Variants in PTPRO observed in about 807,000 individuals in gnomAD.
PTPRO encodes the protein receptor-type tyrosine-protein phosphatase O.
Under a neutral mutation model 145.2 loss-of-function variants are expected in PTPRO, and 62 were observed. The observed-to-expected ratio is 0.43, with a 90% CI of 0.35 to 0.53. The LOEUF (loss-of-function observed/expected upper bound fraction) is 0.53, where lower values mean the gene tolerates loss of function less well. PTPRO is among the 20% of genes least tolerant of loss of function. The pLI, the probability that PTPRO is intolerant of heterozygous loss-of-function variation, is 0.01. For synonymous variants in PTPRO, 565 were observed against 514.7 expected, an observed-to-expected ratio of 1.10 and a Z score of -1.32; for missense variants, 1,345 against 1,482.7, an observed-to-expected ratio of 0.91 and a Z score of 1.53.
chr12:15,549,339 T>C, intron 14 of PTPRO, 113 bp downstream of exon 14: 1 of 859,616 alleles, frequency 1.2e-6, no homozygotes, highest in Non-Finnish European at 1.6e-6. Flanking sequence ...CAGAGAGTCC[T>C]TAATTTCAAT....
chr12:15,577,444 G>T (rs1452222584), intron 19 of PTPRO, among the ~76,000 whole-genome samples: 1 of 152,160 alleles, frequency 6.6e-6, no homozygotes, highest in Non-Finnish European at 1.5e-5. Flanking sequence ...GACACAAAGG[G>T]CATGAAACAG....
At chr12:15,579,808 T>C (rs920532084) in intron 20 of PTPRO, among the ~76,000 whole-genome samples, 1 of 152,062 alleles carries the variant, frequency 6.6e-6, no homozygotes, top group Non-Finnish European at 1.5e-5. Context: ...TGGAAACAAT[T>C]CTTTCAAGGA....
chr12:15,366,775 C>A (rs1938374272), intron 1 of PTPRO, among the ~76,000 whole-genome samples: 1 of 151,946 alleles, frequency 6.6e-6, no homozygotes, highest in African/African-American at 2.4e-5. Context: ...ATGCAGTGAC[C>A]AATAAACTGA....
intron 1 of PTPRO, among the ~76,000 whole-genome samples, chr12:15,349,101 T>C (rs1937704952): frequency 1.3e-5 from 2 of 152,180 alleles, no homozygotes; most frequent in African/African-American, 2.4e-5. Context: ...ACCGATACAG[T>C]ATAATAAAAC....
intron 1 of PTPRO, among the ~76,000 whole-genome samples, chr12:15,396,958 A>G (rs1194227550): frequency 6.6e-6 from 1 of 152,198 alleles, no homozygotes. Context: ...TAATTAAGTC[A>G]ATCTCAGGGA....
chr12:15,378,902 A>G (rs1372678295), intron 1 of PTPRO, among the ~76,000 whole-genome samples: 2 of 152,174 alleles, frequency 1.3e-5, no homozygotes, highest in South Asian at 4.1e-4. Flanking sequence ...AGAAGATATA[A>G]ATTATTAATA....
intron 6 of PTPRO, among the ~76,000 whole-genome samples, chr12:15,508,196 A>G (rs1170141770): frequency 1.3e-5 from 2 of 152,228 alleles, no homozygotes; most frequent in Non-Finnish European, 2.9e-5. Context: ...TTATTCCTAG[A>G]GATCAAAGAT....
At chr12:15,536,913 G>T (rs1446949213) in intron 12 of PTPRO, among the ~76,000 whole-genome samples, 1 of 152,168 alleles carries the variant, frequency 6.6e-6, no homozygotes, top group Non-Finnish European at 1.5e-5. Context: ...GTTTAGGTCA[G>T]ACTGGGAGCC....
chr12:15,533,259 A>G (rs1381559245), intron 12 of PTPRO, among the ~76,000 whole-genome samples: 1 of 152,204 alleles, frequency 6.6e-6, no homozygotes, highest in Non-Finnish European at 1.5e-5. Context: ...TTTCTAGTTA[A>G]TGTAACCCTT....
At chr12:15,334,305 C>T (rs541123813) in intron 1 of PTPRO, among the ~76,000 whole-genome samples, 17 of 152,142 alleles carry the variant, frequency 1.1e-4, no homozygotes, top group African/African-American at 3.6e-4. Flanking sequence ...AATTCCATTA[C>T]GTAACTTCTT....
chr12:15,520,202 G>A lies in PTPRO; in HGVS notation c.1781G>A (p.Arg594Lys). The A allele has an allele frequency of 6.2e-7, 1 of 1,611,562 alleles. No homozygotes were observed. Among genetic ancestry groups the A allele is most frequent in the Non-Finnish European group, 8.5e-7 (1 of 1,177,742 alleles). Reference sequence around the variant, plus strand: ...TCCTTGCTTGCTTTTCTCATTCAGAGAATAGCTAATCTGCTGCCAGCATGG... The same window carrying A: ...TCCTTGCTTGCTTTTCTCATTCAGAAAATAGCTAATCTGCTGCCAGCATGG... ...AATVSLTASVRIANLLPAWYY... is the reference protein window; with the variant it reads ...AATVSLTASVKIANLLPAWYY... Residue 594 changes from arginine to lysine, a missense_variant and splice_region_variant, in exon 10 of 27, where the codon AGA (arginine) becomes AAA (lysine). By Grantham distance (26) the Arg-to-Lys change is conservative. Around this residue, in one of 3 missense-constraint regions of PTPRO, gnomAD observed 1,130 missense variants for 1,214.7 expected, o/e 0.93. Transcript: ENST00000281171.
intron 1 of PTPRO, among the ~76,000 whole-genome samples, chr12:15,471,607 T>C (rs1347971009): frequency 6.6e-6 from 1 of 152,224 alleles, no homozygotes; most frequent in African/African-American, 2.4e-5. Context: ...TATGTCATCA[T>C]CATCATCTTT....
At chr12:15,572,336 TC>T (rs1009343022) in intron 19 of PTPRO, among the ~76,000 whole-genome samples, 9 of 152,196 alleles carry the variant, frequency 5.9e-5, no homozygotes, top group Non-Finnish European at 8.8e-5. Context: ...TTCCCAGTGT[TC>T]CTAAAACTAT....
chr12:15,517,123 A>G (rs1313005483), intron 9 of PTPRO, 167 bp downstream of exon 9: 2 of 727,678 alleles, frequency 2.7e-6, no homozygotes, highest in Non-Finnish European at 4.7e-6. Context: ...AAGACTGAGC[A>G]ATTTACAAAA....
At chr12:15,373,858 G>T (rs1434768626) in intron 1 of PTPRO, among the ~76,000 whole-genome samples, 1 of 152,150 alleles carries the variant, frequency 6.6e-6, no homozygotes, top group African/African-American at 2.4e-5. Flanking sequence ...CTGTGTTCCA[G>T]AGGCTTGTTT....
chr12:15,574,981 T>C (rs1944148371), intron 19 of PTPRO, among the ~76,000 whole-genome samples: 1 of 152,138 alleles, frequency 6.6e-6, no homozygotes, highest in Non-Finnish European at 1.5e-5. Context: ...AATTCCTATG[T>C]TTAATCCCTA....
intron 1 of PTPRO, among the ~76,000 whole-genome samples, chr12:15,385,772 A>G (rs1262445736): frequency 6.9e-6 from 1 of 145,520 alleles, no homozygotes; most frequent in Non-Finnish European, 1.5e-5. Context: ...AGATCGCACT[A>G]CTGCACTCCA....
intron 1 of PTPRO, among the ~76,000 whole-genome samples, chr12:15,330,102 G>T (rs2136198602): frequency 6.6e-6 from 1 of 152,324 alleles, no homozygotes; most frequent in African/African-American, 2.4e-5. Context: ...TTATCGAAGG[G>T]TTTAATCAAG....
intron 1 of PTPRO, among the ~76,000 whole-genome samples, chr12:15,420,940 CTGA>C (rs1425067328): frequency 6.6e-6 from 1 of 152,146 alleles, no homozygotes; most frequent in Non-Finnish European, 1.5e-5. Flanking sequence ...TGTGCTGCTG[CTGA>C]TGATGTACTT....
Sources: allele counts gnomAD v4.1 joint callset (sites outside exome capture counted in the v4.1 genomes callset), GRCh38; gene constraint gnomAD v4.1.1; regional missense constraint gnomAD v4.1.1; transcripts MANE v1.5; gene names NCBI Gene and HGNC (gene_info 2026-07-23, HGNC 2026-07-21).